Variants in TRAF3IP2 observed in about 807,000 individuals in gnomAD.
The protein encoded by TRAF3IP2 is TRAF3 interacting protein 2.
A neutral mutation model predicts 57.9 loss-of-function variants in TRAF3IP2; 35 were observed. That is an observed-to-expected ratio of 0.60 (90% CI 0.46 to 0.80). TRAF3IP2 has a LOEUF of 0.80. Among genes scored for constraint, TRAF3IP2 ranks in the 30% least tolerant of loss-of-function variants. The pLI is 0.00. For synonymous variants in TRAF3IP2, 251 were observed against 268.9 expected, an observed-to-expected ratio of 0.93 and a Z score of 0.65; for missense variants, 556 against 706.4, an observed-to-expected ratio of 0.79 and a Z score of 2.41.
chr6:111,590,044 T>C (rs750376048), intron 2 of TRAF3IP2, among the ~76,000 whole-genome samples: 1 of 152,162 alleles, frequency 6.6e-6, no homozygotes, highest in Non-Finnish European at 1.5e-5. Flanking sequence ...TTTGTTATTT[T>C]CCAGTGGCCT....
intron 5 of TRAF3IP2, among the ~76,000 whole-genome samples, chr6:111,572,366 C>A (rs1795857100): frequency 6.6e-6 from 1 of 152,192 alleles, no homozygotes; most frequent in East Asian, 1.9e-4. Context: ...TGGCCAGTAT[C>A]ACCCATCCAG....
chr6:111,582,101 G>A (rs1341324012), intron 2 of TRAF3IP2, among the ~76,000 whole-genome samples: 1 of 152,218 alleles, frequency 6.6e-6, no homozygotes, highest in Admixed American at 6.5e-5. Context: ...TAATGTGCAC[G>A]TTCACTAGTG....
Position 111,562,951 on chromosome 6 carries a change from CTTTG to C in TRAF3IP2, c.1551+10_1551+13del, listed in dbSNP as rs749643257. ...AGATTGAATTATGAGGATTTTGTTT[CTTTG>C]TTTGTTTACCTTCTTAGCATTTGGG... On this transcript the variant is annotated intron_variant, in intron 8 of 8. Coordinates refer to ENST00000368761, the MANE Select transcript of TRAF3IP2 (RefSeq NM_147686.4). 29 of 1,591,620 alleles carry C rather than the reference CTTTG, an allele frequency of 1.8e-5. No individual in the cohort carries two copies. Among genetic ancestry groups the C allele is most frequent in the African/African-American group, 2.7e-5 (2 of 74,444 alleles).
intron 1 of TRAF3IP2, among the ~76,000 whole-genome samples, chr6:111,595,187 A>C (rs1328860604): frequency 6.6e-6 from 1 of 152,088 alleles, no homozygotes; most frequent in African/African-American, 2.4e-5. Context: ...AGCTGAGATC[A>C]CAACTGTTGT....
intron 6 of TRAF3IP2, chr6:111,567,287 T>A (rs1335543635): frequency 9.5e-7 from 1 of 1,050,616 alleles, no homozygotes; most frequent in Non-Finnish European, 1.1e-6. Flanking sequence ...TACAAAACAC[T>A]TGGGGTGGCC....
chr6:111,601,408 C>T (rs1398343124), intron 1 of TRAF3IP2: 1 of 478,626 alleles, frequency 2.1e-6, no homozygotes, highest in East Asian at 3.1e-5. Context: ...TGACAGAGCA[C>T]CAACAAAGGG....
chr6:111,579,415 C>T (rs1281224454), intron 3 of TRAF3IP2, among the ~76,000 whole-genome samples: 1 of 148,228 alleles, frequency 6.7e-6, no homozygotes, highest in East Asian at 2.0e-4. Flanking sequence ...TGGTACTCAA[C>T]ATGTATGAAT....
At chr6:111,585,063 T>A (rs1463164314) in intron 2 of TRAF3IP2, among the ~76,000 whole-genome samples, 2 of 152,180 alleles carry the variant, frequency 1.3e-5, no homozygotes, top group Non-Finnish European at 2.9e-5. Context: ...GACCTTCTCA[T>A]CCTTTAGGTT....
intron 2 of TRAF3IP2, among the ~76,000 whole-genome samples, chr6:111,590,449 G>C (rs192548851): frequency 6.6e-6 from 1 of 152,226 alleles, no homozygotes; most frequent in East Asian, 1.9e-4. Context: ...GTATGATGGT[G>C]GTTGCATAAC....
At chr6:111,576,012 C>T (rs756945548) in intron 3 of TRAF3IP2, among the ~76,000 whole-genome samples, 191 bp from the exon 4 acceptor site, 2 of 152,182 alleles carry the variant, frequency 1.3e-5, no homozygotes, top group African/African-American at 2.4e-5. Context: ...CTGGCTGCCA[C>T]ATGTGAGGGC....
intron 1 of TRAF3IP2, chr6:111,597,892 T>A (rs752013221): frequency 4.4e-6 from 2 of 456,040 alleles, no homozygotes; most frequent in South Asian, 3.1e-5. Flanking sequence ...CTCCAGTCTC[T>A]ACCAGAGGGC....
chr6:111,569,982 A>G (rs567802076), intron 5 of TRAF3IP2, among the ~76,000 whole-genome samples: 203 of 152,240 alleles, frequency 1.3e-3, no homozygotes, highest in African/African-American at 4.6e-3. Flanking sequence ...TTGAAGCCCT[A>G]TCTCCCTACC....
chr6:111,578,864 T>C (rs1260058178), intron 3 of TRAF3IP2, among the ~76,000 whole-genome samples: 1 of 152,224 alleles, frequency 6.6e-6, no homozygotes, highest in East Asian at 1.9e-4. Flanking sequence ...AAAAACAGAA[T>C]CTAGTTTTAC....
intron 1 of TRAF3IP2, chr6:111,597,801 C>T (rs954317496): frequency 2.2e-6 from 1 of 455,454 alleles, no homozygotes; most frequent in African/African-American, 2.0e-5. Context: ...CTTGTTCTGA[C>T]CCGACCCATT....
At chr6:111,573,813 T>C (rs1257451111) in intron 4 of TRAF3IP2, 3 of 152,224 alleles carry the variant, frequency 2.0e-5, no homozygotes, top group African/African-American at 7.2e-5. Flanking sequence ...TAGTCTGGAA[T>C]GGACCACTTA....
chr6:111,589,773 CTCTT>C (rs778333585), intron 2 of TRAF3IP2, among the ~76,000 whole-genome samples: 20 of 152,174 alleles, frequency 1.3e-4, no homozygotes, highest in Non-Finnish European at 2.6e-4. Context: ...TCTCTATCTC[CTCTT>C]TGTTTTTTTC....
intron 1 of TRAF3IP2, among the ~76,000 whole-genome samples, chr6:111,595,409 G>A (rs1796650622): frequency 6.6e-6 from 1 of 152,210 alleles, no homozygotes; most frequent in Non-Finnish European, 1.5e-5. Flanking sequence ...CAAAACAGCA[G>A]ATAATTACAG....
chr6:111,565,078 C>T (rs1795587647), intron 7 of TRAF3IP2, among the ~76,000 whole-genome samples: 1 of 152,216 alleles, frequency 6.6e-6, no homozygotes, highest in Non-Finnish European at 1.5e-5. Flanking sequence ...AGCCTTATCT[C>T]CTGACTCCCT....
chr6:111,559,416 C>A lies in TRAF3IP2; in HGVS notation c.1687G>T (p.Val563Phe). Residue 563 changes from valine (V) to phenylalanine (F), a missense_variant, in exon 9 of 9, where the codon GTT becomes TTT. Physicochemically the swap from Val to Phe is conservative, Grantham distance 50 (BLOSUM62 -1). Coordinates refer to ENST00000368761, the MANE Select transcript of TRAF3IP2 (RefSeq NM_147686.4). ...PRGPLPTLQV[V>F]PL ...GGGGATGAACGGTGTCACAAGGGAA[C>A]CACCTGAAGGGTGGGCAGAGGCCCC... 1 of 1,613,556 alleles carries A rather than the reference C, an allele frequency of 6.2e-7. No individual in the cohort carries two copies. Among genetic ancestry groups the A allele is most frequent in the African/African-American group, 1.3e-5 (1 of 75,058 alleles).
Sources: allele counts gnomAD v4.1 joint callset (sites outside exome capture counted in the v4.1 genomes callset), GRCh38; gene constraint gnomAD v4.1.1; transcripts MANE v1.5; gene names NCBI Gene and HGNC (gene_info 2026-07-23, HGNC 2026-07-21).